Variants in LIFR observed in about 807,000 individuals in gnomAD.
LIFR encodes the protein LIF receptor subunit alpha, also known as leukemia inhibitory factor receptor.
Under a neutral mutation model 122.2 loss-of-function variants are expected in LIFR, and 84 were observed. The ratio of observed to expected loss-of-function variants is 0.69; its 90% CI spans 0.58 to 0.82. The LOEUF (loss-of-function observed/expected upper bound fraction) is 0.82. Ranked by LOEUF, LIFR falls within the 40% of genes least tolerant of loss-of-function variation. The pLI, the probability that LIFR is intolerant of heterozygous loss-of-function variation, is 0.00. For synonymous variants in LIFR, 422 were observed against 434.7 expected, an observed-to-expected ratio of 0.97 and a Z score of 0.36; for missense variants, 1,294 against 1,311.6, an observed-to-expected ratio of 0.99 and a Z score of 0.21.
intron 16 of LIFR, 65 bp downstream of exon 16, chr5:38,489,009 CTTTT>C (rs768033794): frequency 1.4e-5 from 19 of 1,364,052 alleles, no homozygotes; most frequent in Non-Finnish European, 2.0e-5. Context: ...CAGGACTTTC[CTTTT>C]TTTTCTGTTG....
intron 1 of LIFR, among the ~76,000 whole-genome samples, chr5:38,585,734 A>T (rs935673864): frequency 1.6e-4 from 25 of 151,560 alleles, no homozygotes; most frequent in African/African-American, 5.8e-4. Flanking sequence ...TTTTTTTTTC[A>T]TGGAGGAAAG....
intron 4 of LIFR, among the ~76,000 whole-genome samples, chr5:38,525,029 T>C (rs1028988477): frequency 1.3e-5 from 2 of 152,166 alleles, no homozygotes; most frequent in Non-Finnish European, 2.9e-5. Context: ...GAAGCTGCAT[T>C]ACAAAAGGTA....
chr5:38,606,828 G>T (rs1474582391), intron 1 of LIFR, among the ~76,000 whole-genome samples: 1 of 152,074 alleles, frequency 6.6e-6, no homozygotes, highest in African/African-American at 2.4e-5. Context: ...TGGTTTAGAG[G>T]CAACCCAGTA....
In LIFR at chr5:38,511,979, A is replaced by G; in HGVS notation, c.562-15T>C. On this transcript the variant is annotated splice_polypyrimidine_tract_variant and intron_variant, in intron 5 of 19. Coordinates refer to ENST00000453190, the MANE Select transcript of LIFR (RefSeq NM_001127671.2). ...TTGTGGGTCACCTAAAAATGAACACAAACACAAAACTGTATTTCCAAGTAG... is the reference window on the plus strand; with the variant it reads ...TTGTGGGTCACCTAAAAATGAACACGAACACAAAACTGTATTTCCAAGTAG... 1 of 1,613,188 alleles carries G rather than the reference A, an allele frequency of 6.2e-7. No individual in the cohort carries two copies. Among genetic ancestry groups the G allele is most frequent in the Non-Finnish European group, 8.5e-7 (1 of 1,179,406 alleles).
chr5:38,499,627 T>C (rs756138714), intron 11 of LIFR, 44 bp from the exon 12 acceptor site: 1 of 1,312,286 alleles, frequency 7.6e-7, no homozygotes, highest in African/African-American at 1.4e-5. Flanking sequence ...ACACATACTA[T>C]ATGTATATGG....
At chr5:38,512,104 G>A (rs1745832244) in intron 5 of LIFR, 140 bp from the exon 6 acceptor site, 1 of 825,462 alleles carries the variant, frequency 1.2e-6, no homozygotes, top group Admixed American at 2.0e-5. Context: ...TCAGTTTTGT[G>A]TAAGGTATAA....
intron 1 of LIFR, among the ~76,000 whole-genome samples, chr5:38,540,304 G>C (rs1019087060): frequency 6.6e-6 from 1 of 152,202 alleles, no homozygotes; most frequent in African/African-American, 2.4e-5. Context: ...CAAACTGGTA[G>C]ATGTACAATG....
intron 1 of LIFR, among the ~76,000 whole-genome samples, chr5:38,592,514 A>G (rs1808990): frequency 0.82 from 124,923 of 152,030 alleles, 51,496 homozygotes; most frequent in East Asian, 0.96. Flanking sequence ...AAAATTAGCC[A>G]GGTGTGGTGG....
intron 1 of LIFR, among the ~76,000 whole-genome samples, chr5:38,539,238 C>T (rs1441146317): frequency 2.0e-5 from 3 of 152,080 alleles, no homozygotes; most frequent in Non-Finnish European, 4.4e-5. Context: ...TGTGAGCCAC[C>T]GCGCCCGGCC....
rs1297113964 is a variant in LIFR, at chr5:38,475,980, G to A, written c.*5615C>T. On this transcript the variant is annotated 3_prime_UTR_variant, in exon 20 of 20. Coordinates refer to ENST00000453190, the MANE Select transcript of LIFR (RefSeq NM_001127671.2). Reference sequence around the variant, plus strand: ...GAGAAAATAACAGGATAAAACAAACGCCAGGAAGGGCATCAATCACATAAC... The same window carrying A: ...GAGAAAATAACAGGATAAAACAAACACCAGGAAGGGCATCAATCACATAAC... 3.0e-5 allele frequency: 6 copies of A among 198,086 alleles called. No homozygotes were observed. The highest frequency in any genetic ancestry group is 1.9e-4 in the South Asian group (1 of 5,206). The allele number at this position is 198,086 out of a possible 1,614,324, so 12.3% of individuals were successfully genotyped here.
At chr5:38,518,461 C>T (rs1746223844) in intron 5 of LIFR, among the ~76,000 whole-genome samples, 1 of 152,028 alleles carries the variant, frequency 6.6e-6, no homozygotes, top group Non-Finnish European at 1.5e-5. Flanking sequence ...CCACATATAC[C>T]ATGGTGATCC....
Position 38,479,118 on chromosome 5 carries a change from A to C in LIFR, c.*2477T>G. 2 of 230,696 alleles carry C rather than the reference A, an allele frequency of 8.7e-6. No homozygotes were observed. The highest frequency in any genetic ancestry group is 1.7e-5 in the Non-Finnish European group (2 of 116,434). 14.3% of individuals were successfully genotyped at this position (230,696 alleles called of 1,614,324 possible). A position where few individuals can be genotyped will look rare whatever the true frequency, so the allele number is the denominator to read the frequency against. On this transcript the variant is annotated 3_prime_UTR_variant, in exon 20 of 20. Coordinates refer to ENST00000453190, the MANE Select transcript of LIFR (RefSeq NM_001127671.2). ...CTTCCCGTGTTGTTACTCTCCCTACACACACAGGTTGGGGGGAGTAGAGGT... is the reference window on the plus strand; with the variant it reads ...CTTCCCGTGTTGTTACTCTCCCTACCCACACAGGTTGGGGGGAGTAGAGGT...
At chr5:38,551,259 T>C (rs974765883) in intron 1 of LIFR, among the ~76,000 whole-genome samples, 4 of 152,204 alleles carry the variant, frequency 2.6e-5, no homozygotes, top group African/African-American at 7.2e-5. Context: ...ATGGAAACAG[T>C]TGGCATCCTG....
At chr5:38,535,809 T>C (rs1580137172) in intron 1 of LIFR, among the ~76,000 whole-genome samples, 1 of 152,178 alleles carries the variant, frequency 6.6e-6, no homozygotes, top group East Asian at 1.9e-4. Flanking sequence ...TATACTTTCA[T>C]TGTTAGGCTG....
At chr5:38,567,356 C>T (rs537450903) in intron 1 of LIFR, among the ~76,000 whole-genome samples, 12 of 152,204 alleles carry the variant, frequency 7.9e-5, no homozygotes, top group Non-Finnish European at 1.0e-4. Context: ...ATTGCTGTTA[C>T]ATGAGCCAAT....
intron 9 of LIFR, 96 bp from the exon 10 acceptor site, chr5:38,504,217 C>T: frequency 1.2e-6 from 1 of 860,406 alleles, no homozygotes; most frequent in Non-Finnish European, 1.9e-6. Flanking sequence ...AACAACGAGG[C>T]ATCATTAGTG....
chr5:38,475,626 A>G lies in LIFR; in HGVS notation c.*5969T>C, dbSNP rs1284294329. On this transcript the variant is annotated 3_prime_UTR_variant, in exon 20 of 20. Transcript: ENST00000453190. The stretch of plus-strand genomic sequence containing the variant: ...TAATACTCACTTTAAAAAAACATTC[A>G]TTCTACAAACCTTATAAAAGACAGA... The G allele has an allele frequency of 5.4e-6, 1 of 185,970 alleles. No individual in the cohort carries two copies. Among genetic ancestry groups the G allele is most frequent in the Non-Finnish European group, 1.1e-5 (1 of 87,750 alleles). 11.5% of individuals were successfully genotyped at this position (185,970 alleles called of 1,614,324 possible).
chr5:38,476,454 T>A lies in LIFR; in HGVS notation c.*5141A>T, dbSNP rs1743726529. The A allele has an allele frequency of 4.8e-6, 1 of 210,266 alleles. No individual in the cohort carries two copies. Among genetic ancestry groups the A allele is most frequent in the Non-Finnish European group, 9.6e-6 (1 of 103,662 alleles). The allele number at this position is 210,266 out of a possible 1,614,324, so 13.0% of individuals were successfully genotyped here. A position where few individuals can be genotyped will look rare whatever the true frequency, so the allele number is the denominator to read the frequency against. The stretch of plus-strand genomic sequence containing the variant: ...GTATAAGGAAATTCAACAACTTAAG[T>A]GAGCCATTCAATCACGTGTGCAAAG... On this transcript the variant is annotated 3_prime_UTR_variant, in exon 20 of 20. Coordinates refer to ENST00000453190, the MANE Select transcript of LIFR (RefSeq NM_001127671.2).
intron 1 of LIFR, among the ~76,000 whole-genome samples, chr5:38,588,683 C>T (rs1749825933): frequency 1.3e-5 from 2 of 152,204 alleles, no homozygotes; most frequent in East Asian, 1.9e-4. Context: ...TTTCAAAAGG[C>T]CTTAAATCCC....
Sources: allele counts gnomAD v4.1 joint callset (sites outside exome capture counted in the v4.1 genomes callset), GRCh38; gene constraint gnomAD v4.1.1; transcripts MANE v1.5; gene names NCBI Gene and HGNC (gene_info 2026-07-23, HGNC 2026-07-21).